CUL2: variants seen among roughly 807,000 people sequenced by gnomAD.
The protein encoded by CUL2 is cullin-2.
In CUL2, 22 loss-of-function variants were observed where a neutral mutation model predicts 110.2. The observed-to-expected ratio is 0.20, with a 90% CI of 0.14 to 0.28. CUL2 has a LOEUF of 0.28. CUL2 is among the 10% of genes least tolerant of loss of function. The probability of loss-of-function intolerance (pLI) is 1.00; values close to 1 mark genes in which losing one functional copy is unlikely to be tolerated. For missense variants in CUL2, 631 were observed against 905.5 expected, an observed-to-expected ratio of 0.70 and a Z score of 3.89; for synonymous variants, 279 against 293.2, an observed-to-expected ratio of 0.95 and a Z score of 0.49.
intron 1 of CUL2, among the ~76,000 whole-genome samples, chr10:35,073,587 T>C (rs969499984): frequency 1.3e-5 from 2 of 149,748 alleles, no homozygotes; most frequent in African/African-American, 2.4e-5. Context: ...TTTCTTTTCT[T>C]TTTTTTTTTC....
rs995983742 is a variant in CUL2 at position 35,062,945 on chromosome 10, T to G, written c.222+15A>C. On this transcript the variant is annotated intron_variant, in intron 3 of 20. Coordinates refer to ENST00000374749, the MANE Select transcript of CUL2 (RefSeq NM_003591.4). ...ACTATCAACATATTTATATCACGTATGTATCATTGCTTACCTTATGCAAAT... is the reference window on the plus strand; with the variant it reads ...ACTATCAACATATTTATATCACGTAGGTATCATTGCTTACCTTATGCAAAT... 2.2e-6 allele frequency: 3 copies of G among 1,337,328 alleles called. No individual in the cohort carries two copies. The highest frequency in any genetic ancestry group is 3.2e-6 in the Non-Finnish European group (3 of 932,022). 82.8% of individuals were successfully genotyped at this position (1,337,328 alleles called of 1,614,324 possible). A position where few individuals can be genotyped will look rare whatever the true frequency, so the allele number is the denominator to read the frequency against.
chr10:35,126,119 C>A (rs943896115), intron 1 of CUL2, among the ~76,000 whole-genome samples: 2 of 151,266 alleles, frequency 1.3e-5, no homozygotes, highest in Non-Finnish European at 2.9e-5. Flanking sequence ...CCCGGCCGAC[C>A]TTTCTAATCT....
chr10:35,057,837 T>C (rs1260324293), intron 4 of CUL2, among the ~76,000 whole-genome samples: 1 of 152,106 alleles, frequency 6.6e-6, no homozygotes, highest in African/African-American at 2.4e-5. Flanking sequence ...CTCACGCCTG[T>C]AATCCCAGCA....
chr10:35,096,751 T>C (rs1419644557), intron 2 of CUL2, among the ~76,000 whole-genome samples: 1 of 151,626 alleles, frequency 6.6e-6, no homozygotes, highest in Non-Finnish European at 1.5e-5. Flanking sequence ...TGTTGTTTGC[T>C]GAAACTAAAT....
intron 2 of CUL2, among the ~76,000 whole-genome samples, chr10:35,066,310 T>C (rs578043541): frequency 4.6e-5 from 7 of 152,046 alleles, no homozygotes; most frequent in Non-Finnish European, 8.8e-5. Flanking sequence ...TTGCTGACTT[T>C]TTTTTTTTTT....
At chr10:35,018,303 A>C (rs71487385) in intron 17 of CUL2, among the ~76,000 whole-genome samples, 19,340 of 149,094 alleles carry the variant, frequency 0.13, 1,618 homozygotes, top group South Asian at 0.2. Context: ...AAAAAAAAAA[A>C]AAAAAAAAAA....
chr10:35,078,859 T>C (rs1265677298), intron 1 of CUL2, among the ~76,000 whole-genome samples: 2 of 152,190 alleles, frequency 1.3e-5, no homozygotes, highest in African/African-American at 2.4e-5. Context: ...CAATAAAAAT[T>C]TGGCATCCAA....
chr10:35,032,683 A>G (rs372276914), intron 11 of CUL2, among the ~76,000 whole-genome samples, 189 bp from the exon 12 acceptor site: 25 of 152,336 alleles, frequency 1.6e-4, no homozygotes, highest in African/African-American at 6.0e-4. Context: ...ATTACAAAAT[A>G]TCTATATATC....
chr10:35,121,470 T>C (rs1216267068), intron 1 of CUL2, among the ~76,000 whole-genome samples: 5 of 152,180 alleles, frequency 3.3e-5, no homozygotes, highest in East Asian at 1.9e-4. Flanking sequence ...AAAACCTTTA[T>C]GTTATTAGCT....
chr10:35,094,021 A>C (rs1564751141), upstream of CUL2, among the ~76,000 whole-genome samples: 1 of 152,152 alleles, frequency 6.6e-6, no homozygotes, highest in Non-Finnish European at 1.5e-5. Flanking sequence ...TTTCTAATAC[A>C]ATAACTATTT....
intron 6 of CUL2, among the ~76,000 whole-genome samples, chr10:35,045,948 T>G (rs1464357671): frequency 1.3e-5 from 2 of 152,200 alleles, no homozygotes; most frequent in Non-Finnish European, 2.9e-5. Context: ...CATTCCCTAG[T>G]AAGAGCTTGT....
chr10:35,023,992 GC>G (rs1238376755), intron 17 of CUL2, among the ~76,000 whole-genome samples: 1 of 151,898 alleles, frequency 6.6e-6, no homozygotes, highest in African/African-American at 2.4e-5. Flanking sequence ...GCTCCACCAC[GC>G]CTGGCTAATT....
chr10:35,073,406 T>C (rs2086732381), intron 1 of CUL2, among the ~76,000 whole-genome samples: 1 of 152,082 alleles, frequency 6.6e-6, no homozygotes, highest in African/African-American at 2.4e-5. Context: ...AATCCATCCA[T>C]ACTTGTATAG....
At chr10:35,072,554 G>T (rs1264809403) in intron 1 of CUL2, among the ~76,000 whole-genome samples, 1 of 152,098 alleles carries the variant, frequency 6.6e-6, no homozygotes, top group African/African-American at 2.4e-5. Context: ...ATTTTTAGTA[G>T]AGACGGGGTT....
At position 35,032,576 on chromosome 10, in the gene CUL2, A is replaced by T. The variant is rs2085505432; in HGVS notation, c.1111-82T>A. ...GTTCAATATAAGCCATAATCTGTAC[A>T]TCCAAAAATTACCCCGCCACATAAA... On this transcript the variant is annotated intron_variant, in intron 11 of 20. Coordinates refer to ENST00000374749, the MANE Select transcript of CUL2 (RefSeq NM_003591.4). 5.6e-6 allele frequency: 6 copies of T among 1,063,914 alleles called. No individual in the cohort carries two copies. The South Asian group carries it at 9.5e-5, about 17-fold the overall frequency. 65.9% of individuals were successfully genotyped at this position (1,063,914 alleles called of 1,614,324 possible). A position where few individuals can be genotyped will look rare whatever the true frequency, so the allele number is the denominator to read the frequency against.
rs2084832556 is a variant in CUL2, at chr10:35,009,164, C to CTCT, written c.*1144_*1146dup. On this transcript the variant is annotated 3_prime_UTR_variant, in exon 21 of 21. Transcript: ENST00000374749. The stretch of plus-strand genomic sequence containing the variant: ...ATAAATATGATAATAGATCGCAGTA[C>CTCT]TCTTAACACTGCTGTTGAGATATAT... 7.0e-6 allele frequency: 1 copy of CTCT among 143,882 alleles called. No homozygotes were observed. The highest frequency in any genetic ancestry group is 2.6e-5 in the African/African-American group (1 of 39,188). 8.9% of individuals were successfully genotyped at this position (143,882 alleles called of 1,614,324 possible). A position where few individuals can be genotyped will look rare whatever the true frequency, so the allele number is the denominator to read the frequency against.
At chr10:35,067,139 C>CAAAAA (rs71523356) in intron 2 of CUL2, among the ~76,000 whole-genome samples, 22 of 76,742 alleles carry the variant, frequency 2.9e-4, no homozygotes, top group South Asian at 4.5e-4. Flanking sequence ...AACTCCATCT[C>CAAAAA]AAAAAAAAAA....
Position 35,039,007 on chromosome 10 carries a change from G to T in CUL2, c.790C>A (p.His264Asn). ...GCTACCATTCGTTGTTGACATTCAT[G>T]AATCACCTTAGTATATGAACTTGGA... Reference protein sequence around the residue: ...LHPSSYTKVIHECQQRMVADH... With the variant: ...LHPSSYTKVINECQQRMVADH... The change falls in exon 9 of 21, where the codon CAT (histidine) becomes AAT (asparagine). Residue 264 changes from histidine (H) to asparagine (N), a missense_variant. This residue lies in a region of CUL2 where 338 missense variants were observed against 442.5 expected (regional missense o/e 0.76). Coordinates refer to ENST00000374749, the MANE Select transcript of CUL2 (RefSeq NM_003591.4). 1.2e-6 allele frequency: 2 copies of T among 1,608,710 alleles called. No individual in the cohort carries two copies. The highest frequency in any genetic ancestry group is 8.5e-7 in the Non-Finnish European group (1 of 1,176,184).
At chr10:35,083,348 T>C (rs1010644497) in intron 1 of CUL2, among the ~76,000 whole-genome samples, 1 of 152,134 alleles carries the variant, frequency 6.6e-6, no homozygotes, top group Non-Finnish European at 1.5e-5. Context: ...TAAAAAGATA[T>C]AAACATAGAT....
Sources: gnomAD v4.1 joint callset for allele counts (sites outside exome capture counted in the v4.1 genomes callset) on GRCh38, gnomAD v4.1.1 for gene constraint, gnomAD v4.1.1 regional missense constraint, MANE v1.5 for transcripts, NCBI Gene and HGNC (gene_info 2026-07-23, HGNC 2026-07-21) for gene names.